Variants in RBFOX1 observed in about 807,000 individuals in gnomAD.
The protein encoded by RBFOX1 is RNA binding protein fox-1 homolog 1.
Under a neutral mutation model 57.7 loss-of-function variants are expected in RBFOX1, and 8 were observed. That is an observed-to-expected ratio of 0.14 (90% CI 0.08 to 0.25). The LOEUF is 0.25. Ranked by LOEUF, RBFOX1 falls within the 10% of genes least tolerant of loss-of-function variation. The probability of loss-of-function intolerance (pLI) is 1.00; values close to 1 mark genes in which losing one functional copy is unlikely to be tolerated. For missense variants in RBFOX1, 611 were observed against 548.5 expected, an observed-to-expected ratio of 1.11 and a Z score of -1.14; for synonymous variants, 326 against 222.4, an observed-to-expected ratio of 1.47 and a Z score of -4.15.
chr16:7,357,732 TG>T (rs1326702802), intron 4 of RBFOX1, among the ~76,000 whole-genome samples: 2 of 152,212 alleles, frequency 1.3e-5, no homozygotes, highest in African/African-American at 4.8e-5. Flanking sequence ...ACCAGGCTAG[TG>T]GAGGTGCTTC....
At chr16:7,370,325 C>T (rs1269161422) in intron 4 of RBFOX1, among the ~76,000 whole-genome samples, 1 of 152,078 alleles carries the variant, frequency 6.6e-6, no homozygotes, top group African/African-American at 2.4e-5. Flanking sequence ...CTAGGTTGGT[C>T]TTTCAGTGAT....
chr16:6,838,634 A>T (rs528494061), intron 3 of RBFOX1, among the ~76,000 whole-genome samples: 9 of 152,296 alleles, frequency 5.9e-5, no homozygotes, highest in African/African-American at 2.2e-4. Context: ...GTTGCTGTCT[A>T]ACACCACTGG....
intron 14 of RBFOX1, among the ~76,000 whole-genome samples, chr16:7,683,616 C>G (rs529039100): frequency 6.6e-6 from 1 of 152,146 alleles, no homozygotes; most frequent in East Asian, 1.9e-4. Context: ...CAAGGTGTAA[C>G]AACTCCTTTG....
At chr16:5,910,828 C>G (rs1017596395) in intron 4 of RBFOX1, among the ~76,000 whole-genome samples, 1 of 152,138 alleles carries the variant, frequency 6.6e-6, no homozygotes, top group African/African-American at 2.4e-5. Flanking sequence ...GAAGTGCTGG[C>G]AGATTCACAA....
chr16:7,562,363 A>C lies in RBFOX1; in HGVS notation c.271-17414A>C, dbSNP rs990634248. ...TTCCTCTGGCTCTTGAAAGAGCCTGAAGTTACAGAAGAGGGCAGGAGTTCT... is the reference window on the plus strand; with the variant it reads ...TTCCTCTGGCTCTTGAAAGAGCCTGCAGTTACAGAAGAGGGCAGGAGTTCT... On this transcript the variant is annotated intron_variant, in intron 5 of 15. Transcript: ENST00000550418. Among the ~76,000 whole-genome samples the C allele has an allele frequency of 2.0e-5, 3 of 152,138 alleles. No homozygotes were observed. In the East Asian group the frequency reaches 5.8e-4, roughly 29 times the overall value.
At chr16:5,326,197 A>G (rs1209269298) in intron 1 of RBFOX1, among the ~76,000 whole-genome samples, 3 of 152,082 alleles carry the variant, frequency 2.0e-5, no homozygotes, top group South Asian at 2.1e-4. Flanking sequence ...AACCTTTTCT[A>G]TTTTGCAATA....
intron 3 of RBFOX1, among the ~76,000 whole-genome samples, chr16:6,714,520 C>T (rs905139770): frequency 1.3e-5 from 2 of 152,094 alleles, no homozygotes; most frequent in South Asian, 4.1e-4. Flanking sequence ...GGCAGGGGGC[C>T]TGGGGTACTT....
intron 1 of RBFOX1, among the ~76,000 whole-genome samples, chr16:6,186,693 G>A (rs1189570544): frequency 1.3e-5 from 2 of 152,154 alleles, no homozygotes; most frequent in Admixed American, 1.3e-4. Context: ...CAAGATGGAA[G>A]CTCCATAGCA....
chr16:7,680,816 C>A (rs2146689244), intron 14 of RBFOX1, among the ~76,000 whole-genome samples: 1 of 152,202 alleles, frequency 6.6e-6, no homozygotes, highest in South Asian at 2.1e-4. Flanking sequence ...TGAAAATATA[C>A]ATATATCTAC....
chr16:6,941,163 C>G (rs1204688217), intron 3 of RBFOX1, among the ~76,000 whole-genome samples: 2 of 151,902 alleles, frequency 1.3e-5, no homozygotes, highest in East Asian at 1.9e-4. Context: ...CTCAGGAAAT[C>G]CATCAGCAGA....
At chr16:6,250,610 A>G (rs1043843385) in intron 1 of RBFOX1, among the ~76,000 whole-genome samples, 3 of 152,034 alleles carry the variant, frequency 2.0e-5, no homozygotes, top group African/African-American at 4.8e-5. Flanking sequence ...GGCCTCTTTT[A>G]TGCTCTGGGA....
chr16:6,619,745 C>G (rs2098199098), intron 2 of RBFOX1, among the ~76,000 whole-genome samples: 1 of 127,454 alleles, frequency 7.8e-6, no homozygotes, highest in Non-Finnish European at 1.6e-5. Flanking sequence ...TACAAATGTA[C>G]TGTTTTTACA....
At chr16:6,673,747 A>G (rs1186085471) in intron 3 of RBFOX1, among the ~76,000 whole-genome samples, 2 of 152,212 alleles carry the variant, frequency 1.3e-5, no homozygotes, top group Non-Finnish European at 2.9e-5. Flanking sequence ...AAGGACAGAA[A>G]TGTATCATCT....
At chr16:7,674,457 T>G (rs1361774211) in intron 13 of RBFOX1, among the ~76,000 whole-genome samples, 1 of 152,212 alleles carries the variant, frequency 6.6e-6, no homozygotes. Context: ...AGTGGTCTAC[T>G]GCACAGCAAT....
At chr16:6,144,685 T>G (rs930684176) in intron 1 of RBFOX1, among the ~76,000 whole-genome samples, 1 of 152,256 alleles carries the variant, frequency 6.6e-6, no homozygotes, top group African/African-American at 2.4e-5. Flanking sequence ...TGCTGTCAGC[T>G]TTTCTCATGA....
At chr16:5,359,995 T>A (rs62017692) in intron 1 of RBFOX1, among the ~76,000 whole-genome samples, 7,227 of 152,288 alleles carry the variant, frequency 0.047, 245 homozygotes, top group South Asian at 0.087. Context: ...ATCCAAAACA[T>A]AAATTTACAT....
chr16:6,769,665 C>A (rs916447050), intron 3 of RBFOX1, among the ~76,000 whole-genome samples: 1 of 152,184 alleles, frequency 6.6e-6, no homozygotes, highest in Non-Finnish European at 1.5e-5. Flanking sequence ...AGTGTATCTT[C>A]CATATCCCTC....
intron 1 of RBFOX1, among the ~76,000 whole-genome samples, chr16:6,179,515 T>G (rs1188073041): frequency 6.6e-6 from 1 of 152,124 alleles, no homozygotes; most frequent in African/African-American, 2.4e-5. Flanking sequence ...AGCATCACCC[T>G]CATCTCACAG....
chr16:6,902,051 G>A (rs2068628579), intron 3 of RBFOX1, among the ~76,000 whole-genome samples: 1 of 152,136 alleles, frequency 6.6e-6, no homozygotes, highest in African/African-American at 2.4e-5. Context: ...CCTGACATAT[G>A]GAAATATAAA....
Sources: gnomAD v4.1 joint callset for allele counts (sites outside exome capture counted in the v4.1 genomes callset) on GRCh38, gnomAD v4.1.1 for gene constraint, MANE v1.5 for transcripts, NCBI Gene and HGNC (gene_info 2026-07-23, HGNC 2026-07-21) for gene names.